Variants in LINC00632 observed in about 807,000 individuals in gnomAD.
LINC00632 encodes the protein long independently transcribed non-coding RNA 632.
At chrX:140,768,640 AATATATTTAT>A (rs1449709705) in intron 3 of LINC00632, among the ~76,000 whole-genome samples, 1 of 61,316 alleles carries the variant, frequency 1.6e-5, no homozygotes, top group Non-Finnish European at 3.7e-5. Flanking sequence ...TATACTATAT[AATATATTTAT>A]TATATATAAT....
intron 2 of LINC00632, chrX:140,714,548 C>T (rs1602730458): frequency 8.9e-6 from 1 of 112,131 alleles, no homozygotes; most frequent in African/African-American, 3.3e-5. Flanking sequence ...TCCAGCCGGA[C>T]GCGGTGGCTC....
intron 3 of LINC00632, among the ~76,000 whole-genome samples, chrX:140,766,576 T>G (rs1931695429): frequency 8.9e-6 from 1 of 112,302 alleles, no homozygotes; most frequent in Non-Finnish European, 1.9e-5. Flanking sequence ...TGTGAATTTA[T>G]ATTACTCATT....
At chrX:140,744,764 T>G (rs1164217339) in intron 3 of LINC00632, among the ~76,000 whole-genome samples, 1 of 110,240 alleles carries the variant, frequency 9.1e-6, no homozygotes, top group Admixed American at 9.8e-5. Context: ...GAGACTGGGT[T>G]TCACCATATT....
chrX:140,745,232 G>A (rs1387587011), intron 3 of LINC00632, among the ~76,000 whole-genome samples: 5 of 109,744 alleles, frequency 4.6e-5, no homozygotes, highest in African/African-American at 1.3e-4. Flanking sequence ...AGCCCATTCA[G>A]TCTCTGGCCA....
chrX:140,720,047 A>G (rs758751257), intron 2 of LINC00632, among the ~76,000 whole-genome samples: 1 of 105,022 alleles, frequency 9.5e-6, no homozygotes, highest in African/African-American at 3.5e-5. Flanking sequence ...AGACCGCACC[A>G]TTGCCCTCCA....
intron 3 of LINC00632, among the ~76,000 whole-genome samples, chrX:140,748,574 C>T (rs916660533): frequency 2.2e-4 from 24 of 110,480 alleles, no homozygotes; most frequent in Non-Finnish European, 4.3e-4. Flanking sequence ...CAGATAAGTA[C>T]CCCATTGCTA....
intron 3 of LINC00632, among the ~76,000 whole-genome samples, chrX:140,759,348 T>C (rs5907634): frequency 0.011 from 506 of 46,376 alleles, 3 homozygotes; most frequent in African/African-American, 0.023. Context: ...TTCCTTCCTT[T>C]CTTTCTTTCT....
exon 5 of LINC00632, among the ~76,000 whole-genome samples, chrX:140,788,768 CAT>C (rs1174611549): frequency 1.1e-4 from 12 of 106,706 alleles, no homozygotes; most frequent in African/African-American, 3.1e-4. Context: ...CATATATACA[CAT>C]ATATGTGTAT....
intron 3 of LINC00632, among the ~76,000 whole-genome samples, chrX:140,734,502 A>G (rs1156567127): frequency 1.8e-5 from 2 of 110,793 alleles, no homozygotes; most frequent in East Asian, 5.7e-4. Context: ...TGAACTTGCC[A>G]TTCCATTCAA....
At chrX:140,768,699 T>TATAATAAATATACATAC (rs1931739563) in intron 3 of LINC00632, among the ~76,000 whole-genome samples, 1 of 97,855 alleles carries the variant, frequency 1.0e-5, no homozygotes, top group Non-Finnish European at 2.0e-5. Flanking sequence ...AATATATTTA[T>TATAATAAATATACATAC]TATATAATAA....
intron 2 of LINC00632, among the ~76,000 whole-genome samples, chrX:140,720,561 G>A (rs72617942): frequency 0.04 from 4,466 of 111,750 alleles, 87 homozygotes; most frequent in East Asian, 0.14. Flanking sequence ...GCATAGAATC[G>A]CTGGACAATA....
At chrX:140,778,227 T>G (rs1931896528) in exon 5 of LINC00632, among the ~76,000 whole-genome samples, 2 of 112,767 alleles carry the variant, frequency 1.8e-5, no homozygotes, top group South Asian at 3.6e-4. Context: ...GTCATTTGCT[T>G]CTTCTTAGTC....
At chrX:140,784,743 G>A in exon 5 of LINC00632, 1 of 191,930 alleles carries the variant, frequency 5.2e-6, no homozygotes, top group Non-Finnish European at 1.0e-5. Flanking sequence ...CCCTGTCTGA[G>A]CCTTCCCATG....
chrX:140,781,206 C>T (rs761232493), exon 5 of LINC00632, among the ~76,000 whole-genome samples: 164 of 111,321 alleles, frequency 1.5e-3, no homozygotes, highest in Non-Finnish European at 2.7e-3. Flanking sequence ...GGGCCTTCAG[C>T]GCATAGCTCA....
chrX:140,762,799 C>A (rs1174597325), intron 3 of LINC00632, among the ~76,000 whole-genome samples: 2 of 111,904 alleles, frequency 1.8e-5, no homozygotes, highest in Non-Finnish European at 3.8e-5. Context: ...ACAAAATATT[C>A]TTCTTTTGAT....
intron 2 of LINC00632, among the ~76,000 whole-genome samples, chrX:140,721,977 G>C: frequency 9.0e-6 from 1 of 110,533 alleles, no homozygotes; most frequent in Non-Finnish European, 1.9e-5. Context: ...CCAACAATCA[G>C]ACTTGCCTGG....
At chrX:140,765,133 C>G (rs1270928285) in intron 3 of LINC00632, among the ~76,000 whole-genome samples, 1 of 112,117 alleles carries the variant, frequency 8.9e-6, no homozygotes, top group African/African-American at 3.2e-5. Flanking sequence ...CTTAGCCTCA[C>G]TTGCCTCACC....
chrX:140,740,040 T>C (rs761369315), intron 3 of LINC00632, among the ~76,000 whole-genome samples: 29 of 111,820 alleles, frequency 2.6e-4, no homozygotes, highest in Non-Finnish European at 5.3e-4. Flanking sequence ...TCCTCATAAT[T>C]GGTATTTCAT....
intron 3 of LINC00632, among the ~76,000 whole-genome samples, chrX:140,771,130 C>T (rs1255090253): frequency 2.7e-5 from 3 of 110,581 alleles, no homozygotes; most frequent in Non-Finnish European, 5.7e-5. Flanking sequence ...CCTTAATGTT[C>T]GGAAATACTA....
Sources: gnomAD v4.1 joint callset for allele counts (sites outside exome capture counted in the v4.1 genomes callset) on GRCh38, gnomAD v4.1.1 for gene constraint, MANE v1.5 for transcripts, NCBI Gene and HGNC (gene_info 2026-07-23, HGNC 2026-07-21) for gene names.